Variants in EIF2A observed in about 807,000 individuals in gnomAD.
The protein encoded by EIF2A is 65 kDa eukaryotic translation initiation factor 2A.
In EIF2A, 62 loss-of-function variants were observed where a neutral mutation model predicts 75.2. That is an observed-to-expected ratio of 0.82 (90% CI 0.67 to 1.02). The LOEUF is 1.02. Among genes scored for constraint, EIF2A ranks in the 50% least tolerant of loss-of-function variants. The pLI is 0.00. For synonymous variants in EIF2A, 207 were observed against 239.0 expected, an observed-to-expected ratio of 0.87 and a Z score of 1.23; for missense variants, 611 against 677.7, an observed-to-expected ratio of 0.90 and a Z score of 1.09.
intron 4 of EIF2A, 73 bp downstream of exon 4, chr3:150,562,733 GT>G: frequency 9.1e-7 from 1 of 1,093,086 alleles, no homozygotes; most frequent in Non-Finnish European, 1.3e-6. Context: ...AAGTTATAAA[GT>G]TTATAACCTC....
At chr3:150,553,202 C>A (rs1452566782) in intron 2 of EIF2A, among the ~76,000 whole-genome samples, 1 of 151,602 alleles carries the variant, frequency 6.6e-6, no homozygotes, top group Non-Finnish European at 1.5e-5. Flanking sequence ...CCTGTAATCC[C>A]AGCTACTCTA....
intron 6 of EIF2A, among the ~76,000 whole-genome samples, chr3:150,565,550 T>C (rs935244519): frequency 1.3e-5 from 2 of 152,152 alleles, no homozygotes; most frequent in East Asian, 3.9e-4. Flanking sequence ...CAACCTTCAT[T>C]GTAACCAATT....
At chr3:150,583,104 T>A (rs1725283245) in intron 12 of EIF2A, 96 bp from the exon 13 acceptor site, 1 of 950,156 alleles carries the variant, frequency 1.1e-6, no homozygotes, top group Non-Finnish European at 1.6e-6. Context: ...TCTAAGATAA[T>A]TAATCTCCTT....
At chr3:150,575,509 A>G (rs894770698) in intron 10 of EIF2A, 140 bp from the exon 11 acceptor site, 18 of 642,038 alleles carry the variant, frequency 2.8e-5, no homozygotes, top group Non-Finnish European at 1.3e-5. Context: ...GCCACTACCA[A>G]TGAGTTTCAA....
At chr3:150,571,262 C>T (rs1452432046) in intron 9 of EIF2A, among the ~76,000 whole-genome samples, 1 of 151,958 alleles carries the variant, frequency 6.6e-6, no homozygotes, top group East Asian at 2.0e-4. Flanking sequence ...GCCTCAGCCT[C>T]CTGAGTAGCT....
chr3:150,568,186 G>T lies in EIF2A; in HGVS notation c.705G>T (p.Val235=). The part of the protein sequence containing the change: ...TMLWNKKATA[V]LVIASTDVDK... ...TTTTTACTGTTATAGCTACTGCTGT[G>T]TTGGTAATAGCTAGCACAGATGTTG... is the stretch of plus-strand genomic sequence containing the variant. Residue 235 remains valine (V), a synonymous_variant, in exon 9 of 14, where the codon GTG becomes GTT. Transcript: ENST00000460851. The T allele has an allele frequency of 1.2e-6, 2 of 1,612,562 alleles. No homozygotes were observed. The highest frequency in any genetic ancestry group is 1.7e-6 in the Non-Finnish European group (2 of 1,179,432).
At chr3:150,562,954 G>A (rs564454966) in intron 4 of EIF2A, 12 of 209,790 alleles carry the variant, frequency 5.7e-5, no homozygotes, top group Non-Finnish European at 1.2e-4. Context: ...AGAGATTTCT[G>A]AAGATTAAGA....
Position 150,558,426 on chromosome 3 carries a change from A to G in EIF2A, c.137A>G (p.Lys46Arg). ...GKNCKVCIFS[K>R]DGTLFAWGNG... ...AATTGCAAAGTCTGTATCTTTAGTA[A>G]GGATGGGACCTTGTTTGCCTGGGGC... The change falls in exon 3 of 14, where the codon AAG becomes AGG. Residue 46 changes from lysine to arginine, a missense_variant. By Grantham distance (26) the Lys-to-Arg change is conservative. Transcript: ENST00000460851. 6.6e-7 allele frequency: 1 copy of G among 1,523,502 alleles called. No homozygotes were observed. Among genetic ancestry groups the G allele is most frequent in the South Asian group, 1.3e-5 (1 of 75,020 alleles). 94.4% of individuals were successfully genotyped at this position (1,523,502 alleles called of 1,614,324 possible). A position where few individuals can be genotyped will look rare whatever the true frequency, so the allele number is the denominator to read the frequency against.
intron 12 of EIF2A, among the ~76,000 whole-genome samples, chr3:150,582,537 A>G (rs926249015): frequency 2.0e-5 from 3 of 151,556 alleles, no homozygotes; most frequent in Non-Finnish European, 2.9e-5. Context: ...GATGGTTTCA[A>G]TCTCCTGACC....
In EIF2A at chr3:150,572,043, G is replaced by A. The variant is rs770163717; in HGVS notation, c.897G>A (p.Ala299=). 3 of 1,613,890 alleles carry A rather than the reference G, an allele frequency of 1.9e-6. No homozygotes were observed. Among genetic ancestry groups the A allele is most frequent in the East Asian group, 2.2e-5 (1 of 44,876 alleles). ...TATATGGTTTTATGCCTGCCAAAGC[G>A]ACAATTTTCAACTTGAAATGTGATC... ...CAVYGFMPAK[A]TIFNLKCDPV... The change falls in exon 10 of 14, where the codon GCG becomes GCA. Residue 299 remains alanine (A), a synonymous_variant. Coordinates refer to ENST00000460851, the MANE Select transcript of EIF2A (RefSeq NM_032025.5).
chr3:150,571,607 T>TATAA (rs915249424), intron 9 of EIF2A, among the ~76,000 whole-genome samples: 2 of 152,150 alleles, frequency 1.3e-5, no homozygotes, highest in Non-Finnish European at 2.9e-5. Flanking sequence ...ATCCCATTTC[T>TATAA]ATAAATAAAT....
At chr3:150,570,864 C>CA (rs34708127) in intron 9 of EIF2A, among the ~76,000 whole-genome samples, 51,350 of 151,280 alleles carry the variant, frequency 0.34, 9,070 homozygotes, top group East Asian at 0.49. Context: ...GTTAGGAGTT[C>CA]AAAACCAGCC....
chr3:150,559,038 A>G (rs1168969319), intron 3 of EIF2A, among the ~76,000 whole-genome samples: 3 of 152,210 alleles, frequency 2.0e-5, no homozygotes, highest in Admixed American at 1.3e-4. Context: ...AAGAGTTACT[A>G]CAACATTTTA....
chr3:150,583,257 A>C lies in EIF2A; in HGVS notation c.1684A>C (p.Lys562Gln). 1.2e-6 allele frequency: 2 copies of C among 1,613,082 alleles called. No individual in the cohort carries two copies. Among genetic ancestry groups the C allele is most frequent in the South Asian group, 1.1e-5 (1 of 90,876 alleles). ...AGCAGCAACTGGAAAACAGCTAGAA[A>C]AAAATCAGGTACTTTCTGCATTTTT... is the stretch of plus-strand genomic sequence containing the variant. ...EQAATGKQLE[K>Q]NQLEKIQKET... The change falls in exon 13 of 14, where the codon AAA (lysine) becomes CAA (glutamine). Residue 562 changes from lysine (K) to glutamine (Q), a missense_variant. Transcript: ENST00000460851.
At position 150,568,082 on chromosome 3, in the gene EIF2A, T is replaced by C. The variant is rs769810219; in HGVS notation, c.694+36T>C. On this transcript the variant is annotated intron_variant, in intron 8 of 13. Coordinates refer to ENST00000460851, the MANE Select transcript of EIF2A (RefSeq NM_032025.5). ...TATATTTTATCCCTCCCTTTGTTTA[T>C]CAGTTGTTAATTTAGGCTATATTCC... 64 of 1,600,472 alleles carry C rather than the reference T, an allele frequency of 4.0e-5. No individual in the cohort carries two copies. In the East Asian group the frequency reaches 1.4e-3, roughly 34 times the overall value.
At chr3:150,576,546 TA>T (rs1487634623) in intron 11 of EIF2A, among the ~76,000 whole-genome samples, 1 of 152,258 alleles carries the variant, frequency 6.6e-6, no homozygotes, top group Admixed American at 6.5e-5. Flanking sequence ...AATTTCTAAG[TA>T]ATCCTGTCTA....
rs1725446921 is a variant in EIF2A, at chr3:150,585,770, C to CT, written c.*1863dup. The stretch of plus-strand genomic sequence containing the variant: ...AACGTGGTGGTATTGGGAGATGGGC[C>CT]TTTTGGAAGGTAAGTGTGTTTGAAT... On this transcript the variant is annotated 3_prime_UTR_variant, in exon 14 of 14. Coordinates refer to ENST00000460851, the MANE Select transcript of EIF2A (RefSeq NM_032025.5). Among the ~76,000 whole-genome samples, 1 of 152,084 alleles carries CT rather than the reference C, an allele frequency of 6.6e-6. No individual in the cohort carries two copies. The highest frequency in any genetic ancestry group is 1.5e-5 in the Non-Finnish European group (1 of 68,020).
chr3:150,578,074 C>T (rs1037016736), intron 11 of EIF2A, among the ~76,000 whole-genome samples: 1 of 152,058 alleles, frequency 6.6e-6, no homozygotes, highest in Non-Finnish European at 1.5e-5. Context: ...TATTACAACT[C>T]ATTAGTAGTA....
In EIF2A at chr3:150,572,456, A is replaced by G. The variant is rs1724589540; in HGVS notation, c.1310A>G (p.Asn437Ser). The change falls in exon 10 of 14, where the codon AAT becomes AGT. Residue 437 changes from asparagine (N) to serine (S), a missense_variant. Transcript: ENST00000460851. ...CAAGCAGTTCCAAGTGAAGTACCCAATGAGGAACCTAAAGTTGCAACAGCT... is the reference window on the plus strand; with the variant it reads ...CAAGCAGTTCCAAGTGAAGTACCCAGTGAGGAACCTAAAGTTGCAACAGCT... ...TYQAVPSEVP[N>S]EEPKVATAYR... The G allele has an allele frequency of 5.0e-6, 8 of 1,614,036 alleles. No homozygotes were observed. Among genetic ancestry groups the G allele is most frequent in the South Asian group, 1.1e-5 (1 of 91,082 alleles).
Sources: allele counts gnomAD v4.1 joint callset (sites outside exome capture counted in the v4.1 genomes callset), GRCh38; gene constraint gnomAD v4.1.1; transcripts MANE v1.5; gene names NCBI Gene and HGNC (gene_info 2026-07-23, HGNC 2026-07-21).